The following VWC2L variants were observed in gnomAD, a reference collection of about 807,000 sequenced individuals.
The protein encoded by VWC2L is von Willebrand factor C domain containing 2 like, also known as von Willebrand factor C domain-containing protein 2-like.
VWC2L carries 10 observed loss-of-function variants against 21.6 expected under a neutral mutation model. The observed-to-expected ratio is 0.46, with a 90% CI of 0.29 to 0.78. The LOEUF (loss-of-function observed/expected upper bound fraction) is 0.78, where lower values mean the gene tolerates loss of function less well. Ranked by LOEUF, VWC2L falls within the 30% of genes least tolerant of loss-of-function variation. VWC2L has a pLI of 0.10. For missense variants in VWC2L, 209 were observed against 277.1 expected (o/e 0.75, Z 1.74); for synonymous variants, 96 against 94.3 (o/e 1.02, Z -0.10).
chr2:214,521,625 T>G (rs902681342), intron 3 of VWC2L, among the ~76,000 whole-genome samples: 1 of 152,210 alleles, frequency 6.6e-6, no homozygotes, highest in African/African-American at 2.4e-5. Context: ...GTAAGCTCAT[T>G]CCCTACCTCA....
rs67223012 is a variant in VWC2L at position 214,561,784 on chromosome 2, T to TTA, written c.521-13863_521-13862dup. Among the ~76,000 whole-genome samples, 34 of 128,678 alleles carry TTA rather than the reference T, an allele frequency of 2.6e-4. 2 individuals are homozygous for TTA. The highest frequency in any genetic ancestry group is 1.1e-3 in the African/African-American group (33 of 29,650). 84.4% of individuals were successfully genotyped at this position (128,678 alleles called of 152,430 possible). ...GAGTAATACCTTATCTCAAAAAAAA[T>TTA]TATATATATATATATATATATATAT... On this transcript the variant is annotated intron_variant, in intron 3 of 3. Coordinates refer to ENST00000312504, the MANE Select transcript of VWC2L (RefSeq NM_001080500.4).
chr2:214,542,013 T>A (rs1689636098), intron 3 of VWC2L, among the ~76,000 whole-genome samples: 1 of 152,014 alleles, frequency 6.6e-6, no homozygotes, highest in Admixed American at 6.6e-5. Context: ...GTTGTTTATT[T>A]TTGATCACGT....
chr2:214,559,236 A>C (rs1299539017), intron 3 of VWC2L, among the ~76,000 whole-genome samples: 2 of 152,112 alleles, frequency 1.3e-5, no homozygotes, highest in African/African-American at 4.8e-5. Flanking sequence ...CACATGAAAA[A>C]ATGCTCATCA....
chr2:214,534,401 TAAC>T (rs1401822454), intron 3 of VWC2L, among the ~76,000 whole-genome samples: 2 of 152,126 alleles, frequency 1.3e-5, no homozygotes, highest in Non-Finnish European at 2.9e-5. Flanking sequence ...TAAAAACGCA[TAAC>T]AACTGCAGTT....
intron 3 of VWC2L, among the ~76,000 whole-genome samples, chr2:214,526,790 C>A (rs1689346231): frequency 6.6e-6 from 1 of 152,210 alleles, no homozygotes; most frequent in African/African-American, 2.4e-5. Flanking sequence ...CTGTGGAAGG[C>A]AATCTGGAGA....
chr2:214,420,167 G>A (rs1369041106), intron 2 of VWC2L, among the ~76,000 whole-genome samples: 1 of 152,136 alleles, frequency 6.6e-6, no homozygotes, highest in African/African-American at 2.4e-5. Flanking sequence ...CCTTTAATGG[G>A]TATATTCACA....
intron 3 of VWC2L, among the ~76,000 whole-genome samples, chr2:214,467,766 T>C (rs73987336): frequency 0.069 from 10,459 of 152,208 alleles, 1,157 homozygotes; most frequent in African/African-American, 0.24. Context: ...AAATAACTAC[T>C]AAATGATGGT....
intron 3 of VWC2L, among the ~76,000 whole-genome samples, chr2:214,561,909 T>C (rs1397046119): frequency 6.6e-6 from 1 of 151,570 alleles, no homozygotes; most frequent in Admixed American, 6.6e-5. Flanking sequence ...GTAATTGATA[T>C]AAAAAATTAA....
chr2:214,427,064 A>G (rs1702535062), intron 2 of VWC2L, among the ~76,000 whole-genome samples: 2 of 152,370 alleles, frequency 1.3e-5, no homozygotes, highest in South Asian at 2.1e-4. Context: ...GAGATTAAAA[A>G]CAAAATTCTA....
chr2:214,563,357 C>T (rs1690006583), intron 3 of VWC2L, among the ~76,000 whole-genome samples: 1 of 151,722 alleles, frequency 6.6e-6, no homozygotes, highest in Admixed American at 6.6e-5. Flanking sequence ...ACCATCCTGG[C>T]TAACACGGTG....
At chr2:214,449,651 T>G (rs1333502200) in intron 3 of VWC2L, among the ~76,000 whole-genome samples, 1 of 152,214 alleles carries the variant, frequency 6.6e-6, no homozygotes, top group Non-Finnish European at 1.5e-5. Flanking sequence ...TATTTAAATG[T>G]AGCTCTGAGC....
chr2:214,526,403 T>G (rs1322680631), intron 3 of VWC2L, among the ~76,000 whole-genome samples: 1 of 152,138 alleles, frequency 6.6e-6, no homozygotes, highest in East Asian at 1.9e-4. Flanking sequence ...CTCCCCATAT[T>G]CATATAATAC....
chr2:214,472,330 A>G (rs993703543), intron 3 of VWC2L: 6 of 152,244 alleles, frequency 3.9e-5, no homozygotes, highest in Non-Finnish European at 8.8e-5. Context: ...TACTATATTC[A>G]GAAGAAAAGG....
chr2:214,422,824 A>G (rs544976692), intron 2 of VWC2L, among the ~76,000 whole-genome samples: 11 of 152,322 alleles, frequency 7.2e-5, no homozygotes, highest in African/African-American at 2.6e-4. Flanking sequence ...CAGCTCCTGA[A>G]AAAGTTTTCA....
At chr2:214,563,323 G>A (rs1354302575) in intron 3 of VWC2L, among the ~76,000 whole-genome samples, 1 of 151,938 alleles carries the variant, frequency 6.6e-6, no homozygotes, top group Non-Finnish European at 1.5e-5. Context: ...TGAGGCAGGT[G>A]GATCACGAGG....
chr2:214,420,434 A>G (rs1222145378), intron 2 of VWC2L, among the ~76,000 whole-genome samples: 1 of 152,178 alleles, frequency 6.6e-6, no homozygotes, highest in Non-Finnish European at 1.5e-5. Flanking sequence ...GGGGACTAAC[A>G]GGTAGGTAAC....
chr2:214,436,429 C>A, intron 2 of VWC2L, 200 bp from the exon 3 acceptor site: 1 of 558,272 alleles, frequency 1.8e-6, no homozygotes, highest in Non-Finnish European at 3.1e-6. Context: ...TTCACAGCAA[C>A]CTGAGTGCAG....
chr2:214,531,236 A>C (rs566757438), intron 3 of VWC2L, among the ~76,000 whole-genome samples: 3 of 152,278 alleles, frequency 2.0e-5, no homozygotes, highest in African/African-American at 7.2e-5. Flanking sequence ...CTACACAGCA[A>C]ATATCTGTAG....
intron 3 of VWC2L, among the ~76,000 whole-genome samples, chr2:214,447,260 G>T (rs1333171706): frequency 2.6e-5 from 4 of 152,110 alleles, no homozygotes; most frequent in African/African-American, 9.7e-5. Context: ...CATTGAAGGT[G>T]CAATACAACT....
Sources: gnomAD v4.1 joint callset for allele counts (sites outside exome capture counted in the v4.1 genomes callset) on GRCh38, gnomAD v4.1.1 for gene constraint, MANE v1.5 for transcripts, NCBI Gene and HGNC (gene_info 2026-07-23, HGNC 2026-07-21) for gene names.